Variants in PCDH15 observed in about 807,000 individuals in gnomAD.
PCDH15 encodes the protein protocadherin-15.
In PCDH15, 129 loss-of-function variants were observed where a neutral mutation model predicts 178.5. The ratio of observed to expected loss-of-function variants is 0.72; its 90% CI spans 0.63 to 0.84. The LOEUF is 0.84. Among genes scored for constraint, PCDH15 ranks in the 40% least tolerant of loss-of-function variants. The probability of loss-of-function intolerance (pLI) is 0.00; values close to 1 mark genes in which losing one functional copy is unlikely to be tolerated. For missense variants in PCDH15, 2,230 were observed against 2,099.9 expected (o/e 1.06, Z -1.21); for synonymous variants, 800 against 732.0 (o/e 1.09, Z -1.50).
intron 1 of PCDH15, among the ~76,000 whole-genome samples, chr10:55,283,914 G>C (rs1465843676): frequency 6.6e-6 from 1 of 152,034 alleles, no homozygotes; most frequent in Non-Finnish European, 1.5e-5. Flanking sequence ...CATCATTTTT[G>C]AATGTCTATT....
At chr10:53,953,867 G>T (rs983392067) in intron 23 of PCDH15, among the ~76,000 whole-genome samples, 1 of 152,154 alleles carries the variant, frequency 6.6e-6, no homozygotes, top group African/African-American at 2.4e-5. Flanking sequence ...TCAGCTCACT[G>T]CAAGCTCAGC....
intron 2 of PCDH15, among the ~76,000 whole-genome samples, chr10:55,154,347 G>A (rs73263564): frequency 0.013 from 1,987 of 152,168 alleles, 37 homozygotes; most frequent in African/African-American, 0.043. Flanking sequence ...TAGGGATAAC[G>A]TGTATTCATG....
chr10:54,083,680 T>C (rs2094470510), intron 16 of PCDH15, among the ~76,000 whole-genome samples: 1 of 152,174 alleles, frequency 6.6e-6, no homozygotes, highest in Admixed American at 6.6e-5. Flanking sequence ...TTTGGAGTGA[T>C]GAAGCTATTT....
intron 1 of PCDH15, among the ~76,000 whole-genome samples, chr10:55,202,475 C>T (rs143190755): frequency 5.2e-4 from 79 of 152,252 alleles, no homozygotes; most frequent in Non-Finnish European, 6.9e-4. Flanking sequence ...TTCAAACACA[C>T]TGTTTATACA....
At chr10:54,902,353 G>C (rs1270801389) in intron 2 of PCDH15, among the ~76,000 whole-genome samples, 1 of 152,160 alleles carries the variant, frequency 6.6e-6, no homozygotes, top group Non-Finnish European at 1.5e-5. Context: ...GGAGGAGGCT[G>C]GTGGGAGATG....
intron 2 of PCDH15, among the ~76,000 whole-genome samples, chr10:55,148,839 T>C (rs1838605411): frequency 6.7e-6 from 1 of 148,316 alleles, no homozygotes; most frequent in Non-Finnish European, 1.5e-5. Flanking sequence ...CAAAATTATA[T>C]ATATTATATA....
chr10:54,602,502 G>A (rs1374253261), intron 2 of PCDH15, among the ~76,000 whole-genome samples: 1 of 151,752 alleles, frequency 6.6e-6, no homozygotes, highest in East Asian at 1.9e-4. Context: ...TTGTATCATT[G>A]TTCTTGACTA....
intron 2 of PCDH15, among the ~76,000 whole-genome samples, chr10:54,573,805 C>G (rs1264132078): frequency 1.3e-5 from 2 of 152,186 alleles, no homozygotes; most frequent in African/African-American, 4.8e-5. Context: ...CCTGTGAACA[C>G]TAGCCTCAGG....
intron 2 of PCDH15, among the ~76,000 whole-genome samples, chr10:55,519,581 A>T (rs1841106844): frequency 6.6e-6 from 1 of 152,104 alleles, no homozygotes; most frequent in Admixed American, 6.6e-5. Flanking sequence ...TAAAGTGTAT[A>T]CTATATTTTT....
chr10:54,740,936 A>T (rs1297129887), intron 1 of PCDH15, among the ~76,000 whole-genome samples: 1 of 151,946 alleles, frequency 6.6e-6, no homozygotes, highest in Non-Finnish European at 1.5e-5. Context: ...GATAGAAGGC[A>T]CAATTTCTAG....
At chr10:54,774,060 G>T (rs1166715310) in intron 1 of PCDH15, among the ~76,000 whole-genome samples, 1 of 110,552 alleles carries the variant, frequency 9.0e-6, no homozygotes, top group Admixed American at 1.4e-4. Context: ...ACGGAGTCTC[G>T]CTCTGTCTCC....
chr10:54,067,217 T>A (rs182735468), intron 17 of PCDH15, among the ~76,000 whole-genome samples: 26 of 152,298 alleles, frequency 1.7e-4, no homozygotes, highest in African/African-American at 5.1e-4. Flanking sequence ...TATACACACG[T>A]ACACTGCTTT....
intron 29 of PCDH15, among the ~76,000 whole-genome samples, chr10:53,833,138 A>T (rs2132657431): frequency 6.6e-6 from 1 of 152,180 alleles, no homozygotes; most frequent in South Asian, 2.1e-4. Context: ...GAATTGCTTC[A>T]CAGGAACTAT....
intron 2 of PCDH15, among the ~76,000 whole-genome samples, chr10:55,528,912 T>G (rs374112722): frequency 6.6e-6 from 1 of 152,074 alleles, no homozygotes; most frequent in African/African-American, 2.4e-5. Flanking sequence ...TTTTAATGAT[T>G]GCCATTCTAA....
intron 24 of PCDH15, among the ~76,000 whole-genome samples, chr10:53,940,438 C>T (rs992669405): frequency 1.3e-5 from 2 of 152,060 alleles, no homozygotes; most frequent in Admixed American, 1.3e-4. Context: ...TATTTACAAC[C>T]TTGAAGTTCC....
intron 3 of PCDH15, among the ~76,000 whole-genome samples, chr10:54,883,349 A>G (rs1243914748): frequency 6.6e-6 from 1 of 152,056 alleles, no homozygotes; most frequent in East Asian, 1.9e-4. Flanking sequence ...ATGGCTTTCC[A>G]AAGAAAAGGA....
In PCDH15 at chr10:54,813,072, A is replaced by G. The variant is rs542085866; in HGVS notation, c.-29+84378T>C. ...CTTTTCAGAACCTCCAACAACCTAG[A>G]GTTTATTTTCCTGGATTGCCGAACA... On this transcript the variant is annotated intron_variant, in intron 3 of 5. Transcript: ENST00000458638. Among the ~76,000 whole-genome samples the G allele has an allele frequency of 2.0e-5, 3 of 152,108 alleles. No individual in the cohort carries two copies. The South Asian group carries it at 6.2e-4, about 32-fold the overall frequency.
At chr10:54,687,759 T>C (rs1289030160) in intron 1 of PCDH15, among the ~76,000 whole-genome samples, 1 of 152,122 alleles carries the variant, frequency 6.6e-6, no homozygotes, top group African/African-American at 2.4e-5. Flanking sequence ...TCTCCACTTG[T>C]CATGGTGGAA....
At chr10:54,693,352 A>T (rs2095163825) in intron 1 of PCDH15, among the ~76,000 whole-genome samples, 1 of 152,096 alleles carries the variant, frequency 6.6e-6, no homozygotes, top group Non-Finnish European at 1.5e-5. Flanking sequence ...AGGATTCTTA[A>T]ACACATGTGT....
Sources: gnomAD v4.1 joint callset for allele counts (sites outside exome capture counted in the v4.1 genomes callset) on GRCh38, gnomAD v4.1.1 for gene constraint, MANE v1.5 for transcripts, NCBI Gene and HGNC (gene_info 2026-07-23, HGNC 2026-07-21) for gene names.